Variants in NBAS observed in about 807,000 individuals in gnomAD.
The protein encoded by NBAS is NBAS subunit of NRZ tethering complex.
A neutral mutation model predicts 302.5 loss-of-function variants in NBAS; 219 were observed. The observed-to-expected ratio is 0.72, with a 90% CI of 0.65 to 0.81. The LOEUF is 0.81. Among genes scored for constraint, NBAS ranks in the 30% least tolerant of loss-of-function variants. The pLI, the probability that NBAS is intolerant of heterozygous loss-of-function variation, is 0.00. For synonymous variants in NBAS, 1,118 were observed against 1,021.6 expected, an observed-to-expected ratio of 1.09 and a Z score of -1.80; for missense variants, 2,932 against 2,841.6, an observed-to-expected ratio of 1.03 and a Z score of -0.72.
chr2:15,511,382 A>C (rs1314239050), intron 9 of NBAS, 32 bp from the exon 10 acceptor site: 1 of 1,597,086 alleles, frequency 6.3e-7, no homozygotes, highest in East Asian at 2.2e-5. Context: ...AAAATCGATA[A>C]ATTGCAAATA....
At chr2:14,879,006 A>G in the NBAS span, among the ~76,000 whole-genome samples, 1 of 152,116 alleles carries the variant, frequency 6.6e-6, no homozygotes, top group Non-Finnish European at 1.5e-5. Flanking sequence ...CTTTCACTAT[A>G]TCCATAGTTT....
At chr2:15,503,954 T>C (rs905629408) in intron 11 of NBAS, among the ~76,000 whole-genome samples, 191 bp downstream of exon 11, 5 of 152,206 alleles carry the variant, frequency 3.3e-5, no homozygotes, top group African/African-American at 7.2e-5. Flanking sequence ...ATAAGGTTGA[T>C]ACACAGTAAA....
At chr2:14,823,736 T>C in the NBAS span, among the ~76,000 whole-genome samples, 10 of 152,258 alleles carry the variant, frequency 6.6e-5, no homozygotes, top group African/African-American at 1.4e-4. Context: ...AGTTGCTTTT[T>C]TTTCCTAATA....
At chr2:14,995,307 G>C in the NBAS span, among the ~76,000 whole-genome samples, 1 of 152,156 alleles carries the variant, frequency 6.6e-6, no homozygotes, top group African/African-American at 2.4e-5. Context: ...GAGAACATGT[G>C]GTGTTTGGTT....
chr2:15,140,260 C>T, the NBAS span, among the ~76,000 whole-genome samples: 2 of 152,216 alleles, frequency 1.3e-5, no homozygotes, highest in Non-Finnish European at 2.9e-5. Flanking sequence ...CAAGTCACCC[C>T]ACCCTTTCAG....
intron 44 of NBAS, among the ~76,000 whole-genome samples, chr2:15,274,564 G>A (rs1051625441): frequency 1.3e-5 from 2 of 152,034 alleles, no homozygotes; most frequent in African/African-American, 4.8e-5. Context: ...TAGCAGCGGT[G>A]TCTAGGTGAG....
chr2:15,107,471 G>A, the NBAS span, among the ~76,000 whole-genome samples: 15 of 152,160 alleles, frequency 9.9e-5, no homozygotes, highest in Non-Finnish European at 2.2e-4. Flanking sequence ...ATTGAAAGTT[G>A]GAAGCTGGCT....
chr2:15,363,708 G>A (rs1674052547), intron 32 of NBAS, among the ~76,000 whole-genome samples: 1 of 152,142 alleles, frequency 6.6e-6, no homozygotes, highest in South Asian at 2.1e-4. Flanking sequence ...TATTATTGTT[G>A]TTAATGGAAA....
chr2:15,145,981 G>C, the NBAS span, among the ~76,000 whole-genome samples: 1 of 152,064 alleles, frequency 6.6e-6, no homozygotes, highest in South Asian at 2.1e-4. Context: ...TTTCTCATTG[G>C]AAAAATATCT....
the NBAS span, among the ~76,000 whole-genome samples, chr2:14,820,355 G>A: frequency 5.2e-3 from 797 of 152,206 alleles, 5 homozygotes; most frequent in African/African-American, 0.018. Flanking sequence ...AGACCCAATC[G>A]ATTGCAACAA....
rs1292168487 is a variant in NBAS, at chr2:15,461,181, C to A, written c.2339+20G>T. 3.1e-6 allele frequency: 5 copies of A among 1,608,046 alleles called. No homozygotes were observed. The highest frequency in any genetic ancestry group is 2.7e-5 in the African/African-American group (2 of 74,706). On this transcript the variant is annotated intron_variant, in intron 21 of 51. Transcript: ENST00000281513. ...TCAATATAAAAAAGAAGGTAAAATTCTGTTAACATAGTCACATACCAAGCT... is the reference window on the plus strand; with the variant it reads ...TCAATATAAAAAAGAAGGTAAAATTATGTTAACATAGTCACATACCAAGCT...
chr2:15,244,393 CA>C (rs1667996506), intron 44 of NBAS, among the ~76,000 whole-genome samples: 1 of 151,910 alleles, frequency 6.6e-6, no homozygotes, highest in Non-Finnish European at 1.5e-5. Flanking sequence ...TCATGGAGAA[CA>C]AAGGATAACA....
intron 21 of NBAS, among the ~76,000 whole-genome samples, chr2:15,454,457 C>A (rs947428156): frequency 1.1e-4 from 17 of 151,818 alleles, no homozygotes; most frequent in Admixed American, 1.1e-3. Flanking sequence ...CAGTACTGTA[C>A]AGTCAGTTCT....
chr2:15,220,980 T>C (rs1283461001), intron 47 of NBAS, among the ~76,000 whole-genome samples: 1 of 152,226 alleles, frequency 6.6e-6, no homozygotes, highest in Non-Finnish European at 1.5e-5. Flanking sequence ...ATTATTTGTA[T>C]TTAAGAATAA....
At chr2:15,190,950 C>T (rs1433497608) in intron 48 of NBAS, among the ~76,000 whole-genome samples, 5 of 152,130 alleles carry the variant, frequency 3.3e-5, no homozygotes, top group Non-Finnish European at 2.9e-5. Flanking sequence ...AAAAAGTAGT[C>T]TCTGCCAAAT....
Position 15,396,447 on chromosome 2 carries a change from G to A in NBAS, c.3100C>T (p.His1034Tyr), listed in dbSNP as rs1675869981. The change falls in exon 27 of 52, where the codon CAT (histidine) becomes TAT (tyrosine). Residue 1034 changes from histidine to tyrosine, a missense_variant. Coordinates refer to ENST00000281513, the MANE Select transcript of NBAS (RefSeq NM_015909.4). The part of the protein sequence containing the change: ...GDKTEATTKL[H>Y]DMVDQLEQIL... ...TGTTCCAGTTGGTCTACCATGTCAT[G>A]AAGCTTTGTGGTTGCCTCTGTCTTA... is the stretch of plus-strand genomic sequence containing the variant. The A allele has an allele frequency of 2.5e-6, 4 of 1,602,884 alleles. No homozygotes were observed. The highest frequency in any genetic ancestry group is 2.2e-5 in the East Asian group (1 of 44,632).
At chr2:15,158,827 C>T in the NBAS span, among the ~76,000 whole-genome samples, 5 of 152,288 alleles carry the variant, frequency 3.3e-5, no homozygotes, top group African/African-American at 1.2e-4. Context: ...CCAGCAGGCA[C>T]AGAAATGGGG....
the NBAS span, among the ~76,000 whole-genome samples, chr2:14,960,054 A>G: frequency 6.6e-6 from 1 of 152,196 alleles, no homozygotes; most frequent in Non-Finnish European, 1.5e-5. Context: ...ACTTGCTAGA[A>G]CTAAACTGCA....
chr2:15,424,041 C>A (rs910254711), intron 23 of NBAS, among the ~76,000 whole-genome samples: 2 of 152,088 alleles, frequency 1.3e-5, no homozygotes, highest in South Asian at 2.1e-4. Context: ...GTTAAGCCTA[C>A]GAAAAATATA....
Sources: allele counts gnomAD v4.1 joint callset (sites outside exome capture counted in the v4.1 genomes callset), GRCh38; gene constraint gnomAD v4.1.1; transcripts MANE v1.5; gene names NCBI Gene and HGNC (gene_info 2026-07-23, HGNC 2026-07-21).